The following THAP1 variants were observed in gnomAD, a reference collection of about 807,000 sequenced individuals.
The protein encoded by THAP1 is THAP domain-containing protein 1.
THAP1 carries 6 observed loss-of-function variants against 18.2 expected under a neutral mutation model. That is an observed-to-expected ratio of 0.33 (90% CI 0.18 to 0.65). The LOEUF (loss-of-function observed/expected upper bound fraction) is 0.65. Among genes scored for constraint, THAP1 ranks in the 30% least tolerant of loss-of-function variants. The pLI is 0.74. For synonymous variants in THAP1, 85 were observed against 90.5 expected (o/e 0.94, Z 0.34); for missense variants, 176 against 253.0 (o/e 0.70, Z 2.06).
At position 42,839,257 on chromosome 8, in the gene THAP1, C is replaced by G; in HGVS notation, c.196G>C (p.Glu66Gln). The G allele has an allele frequency of 1.2e-6, 2 of 1,614,106 alleles. No homozygotes were observed. Among genetic ancestry groups the G allele is most frequent in the Non-Finnish European group, 1.7e-6 (2 of 1,180,008 alleles). ...TCTTTCAGTAACTTGTTGTTGCACTCTCTCTTAAAGCAGTCTGGAGTAAAG... is the reference window on the plus strand; with the variant it reads ...TCTTTCAGTAACTTGTTGTTGCACTGTCTCTTAAAGCAGTCTGGAGTAAAG... Reference protein sequence around the residue: ...EHFTPDCFKRECNNKLLKENA... With the variant: ...EHFTPDCFKRQCNNKLLKENA... Residue 66 changes from glutamate (E) to glutamine (Q), a missense_variant, in exon 2 of 3, where the codon GAG (glutamate) becomes CAG (glutamine). Transcript: ENST00000254250.
chr8:42,843,174 G>A lies in THAP1; in HGVS notation c.-80C>T. The A allele has an allele frequency of 6.4e-7, 1 of 1,556,308 alleles. No individual in the cohort carries two copies. The highest frequency in any genetic ancestry group is 8.9e-7 in the Non-Finnish European group (1 of 1,129,716). ...TTCTCAGTGTCGCTGCGCTCGGTTGGATTCCCTCGCTTCTTTTGTAGCTTT... is the reference window on the plus strand; with the variant it reads ...TTCTCAGTGTCGCTGCGCTCGGTTGAATTCCCTCGCTTCTTTTGTAGCTTT... On this transcript the variant is annotated 5_prime_UTR_variant, in exon 1 of 3. Transcript: ENST00000254250.
At position 42,843,171 on chromosome 8, in the gene THAP1, T is replaced by C. The variant is rs1007421647; in HGVS notation, c.-77A>G. On this transcript the variant is annotated 5_prime_UTR_variant, in exon 1 of 3. Transcript: ENST00000254250. ...CTGTTCTCAGTGTCGCTGCGCTCGG[T>C]TGGATTCCCTCGCTTCTTTTGTAGC... 1.9e-6 allele frequency: 3 copies of C among 1,565,640 alleles called. No homozygotes were observed. The highest frequency in any genetic ancestry group is 1.8e-6 in the Non-Finnish European group (2 of 1,138,056).
chr8:42,841,294 CTTTTTTTTT>C (rs775435611), intron 1 of THAP1, among the ~76,000 whole-genome samples: 2 of 95,936 alleles, frequency 2.1e-5, no homozygotes, highest in African/African-American at 8.8e-5. Flanking sequence ...ACAGTTGTAT[CTTTTTTTTT>C]TTTTTTTTTT....
At position 42,837,236 on chromosome 8, in the gene THAP1, CTTTA is replaced by C. The variant is rs1802630094; in HGVS notation, c.*722_*725del. 6.6e-6 allele frequency: 1 copy of C among 151,920 alleles called. No homozygotes were observed. The allele number at this position is 151,920 out of a possible 1,614,324, so 9.4% of individuals were successfully genotyped here. A position where few individuals can be genotyped will look rare whatever the true frequency, so the allele number is the denominator to read the frequency against. ...TTACTTCATTGATGACAATGCCTTA[CTTTA>C]TTTATTGAAAAATGTTTCTTCCACT... On this transcript the variant is annotated 3_prime_UTR_variant, in exon 3 of 3. Coordinates refer to ENST00000254250, the MANE Select transcript of THAP1 (RefSeq NM_018105.3).
chr8:42,837,873 A>G lies in THAP1; in HGVS notation c.*89T>C. ...TGAACTGTTTTTATATAAGTAATCA[A>G]ATGTTATTTTTTTAAATGAAACTCC... is the stretch of plus-strand genomic sequence containing the variant. On this transcript the variant is annotated 3_prime_UTR_variant, in exon 3 of 3. Coordinates refer to ENST00000254250, the MANE Select transcript of THAP1 (RefSeq NM_018105.3). 7.0e-7 allele frequency: 1 copy of G among 1,429,654 alleles called. No individual in the cohort carries two copies. Among genetic ancestry groups the G allele is most frequent in the Non-Finnish European group, 9.5e-7 (1 of 1,054,948 alleles). The allele number at this position is 1,429,654 out of a possible 1,614,324, so 88.6% of individuals were successfully genotyped here.
Position 42,838,412 on chromosome 8 carries a change from G to A in THAP1, c.268-76C>T, listed in dbSNP as rs373979933. The A allele has an allele frequency of 2.9e-5, 46 of 1,575,156 alleles. No homozygotes were observed. In the Admixed American group the frequency reaches 5.5e-4, roughly 19 times the overall value. ...AAAAGAATCTGTGGACTGACCAGGC[G>A]CAGTGGCTCATGCCTATAATCCTAG... On this transcript the variant is annotated intron_variant, in intron 2 of 2. Transcript: ENST00000254250.
Position 42,843,270 on chromosome 8 carries a change from CAGA to C in THAP1, c.-179_-177del, listed in dbSNP as rs1349752722. On this transcript the variant is annotated 5_prime_UTR_variant, in exon 1 of 3. Transcript: ENST00000254250. ...GTGCCCGTTTTGTTGTTTGCATTAG[CAGA>C]AGGACCACAGCCATCGCCCGTCTCC... 6.9e-6 allele frequency: 5 copies of C among 725,370 alleles called. No homozygotes were observed. Among genetic ancestry groups the C allele is most frequent in the Non-Finnish European group, 1.2e-5 (5 of 414,834 alleles). The allele number at this position is 725,370 out of a possible 1,614,324, so 44.9% of individuals were successfully genotyped here.
chr8:42,843,101 G>C lies in THAP1; in HGVS notation c.-7C>G, dbSNP rs1459196580. ...CGGAGCAGGACTGCACCATCCTTCC[G>C]GTCCTCAGGCACTTCACTTCTGCCG... On this transcript the variant is annotated 5_prime_UTR_variant, in exon 1 of 3. Coordinates refer to ENST00000254250, the MANE Select transcript of THAP1 (RefSeq NM_018105.3). The C allele has an allele frequency of 1.2e-6, 2 of 1,613,616 alleles. No individual in the cohort carries two copies. The highest frequency in any genetic ancestry group is 2.2e-5 in the East Asian group (1 of 44,872).
Position 42,843,178 on chromosome 8 carries a change from C to T in THAP1, c.-84G>A. 3.2e-6 allele frequency: 5 copies of T among 1,543,428 alleles called. No homozygotes were observed. The highest frequency in any genetic ancestry group is 4.5e-6 in the Non-Finnish European group (5 of 1,118,354). On this transcript the variant is annotated 5_prime_UTR_variant, in exon 1 of 3. Coordinates refer to ENST00000254250, the MANE Select transcript of THAP1 (RefSeq NM_018105.3). Reference sequence around the variant, plus strand: ...CAGTGTCGCTGCGCTCGGTTGGATTCCCTCGCTTCTTTTGTAGCTTTGGCC... The same window carrying T: ...CAGTGTCGCTGCGCTCGGTTGGATTTCCTCGCTTCTTTTGTAGCTTTGGCC...
intron 1 of THAP1, among the ~76,000 whole-genome samples, chr8:42,842,267 T>C (rs1802732971): frequency 1.3e-5 from 2 of 152,224 alleles, no homozygotes; most frequent in African/African-American, 2.4e-5. Flanking sequence ...TTTCCTATTT[T>C]CAAGAGAATA....
chr8:42,839,859 T>C (rs1225704884), intron 1 of THAP1, among the ~76,000 whole-genome samples: 1 of 152,136 alleles, frequency 6.6e-6, no homozygotes, highest in Non-Finnish European at 1.5e-5. Flanking sequence ...TTCATTAACG[T>C]TTAACTTTTT....
rs571899747 is a variant in THAP1, at chr8:42,842,418, G to C, written c.71+606C>G. On this transcript the variant is annotated intron_variant, in intron 1 of 2. Transcript: ENST00000254250. ...AGATCCGTGTGAGTCATTTTATTAT[G>C]ATCCATGTTGTAACTGTCCATATTA... 2.0e-5 allele frequency: 3 copies of C among 152,214 alleles called. No individual in the cohort carries two copies. In the East Asian group the frequency reaches 5.8e-4, roughly 29 times the overall value. The allele number at this position is 152,214 out of a possible 1,614,324, so 9.4% of individuals were successfully genotyped here.
chr8:42,839,093 C>G, intron 2 of THAP1, 93 bp downstream of exon 2: 1 of 1,381,466 alleles, frequency 7.2e-7, no homozygotes. Flanking sequence ...CACATTTATT[C>G]TCTTAACACT....
Position 42,839,323 on chromosome 8 carries a change from T to G in THAP1, c.130A>C (p.Asn44His). 1 of 1,614,010 alleles carries G rather than the reference T, an allele frequency of 6.2e-7. No individual in the cohort carries two copies. The highest frequency in any genetic ancestry group is 8.5e-7 in the Non-Finnish European group (1 of 1,179,988). Reference sequence around the variant, plus strand: ...CTGCTATACTTGGTGGGTTTAAAGTTTTTTCTTCTGACAGCTGCCTCCCAT... The same window carrying G: ...CTGCTATACTTGGTGGGTTTAAAGTGTTTTCTTCTGACAGCTGCCTCCCAT... ...KEWEAAVRRK[N>H]FKPTKYSSIC... Residue 44 changes from asparagine to histidine, a missense_variant, in exon 2 of 3, where the codon AAC becomes CAC. By Grantham distance (68) the Asn-to-His change is moderately conservative (BLOSUM62 1). Transcript: ENST00000254250.
chr8:42,843,287 T>C lies in THAP1; in HGVS notation c.-193A>G, dbSNP rs1802764505. 3.0e-6 allele frequency: 2 copies of C among 661,166 alleles called. No individual in the cohort carries two copies. The highest frequency in any genetic ancestry group is 5.4e-6 in the Non-Finnish European group (2 of 369,162). The allele number at this position is 661,166 out of a possible 1,614,324, so 41.0% of individuals were successfully genotyped here. The stretch of plus-strand genomic sequence containing the variant: ...TGCATTAGCAGAAGGACCACAGCCA[T>C]CGCCCGTCTCCCATCTCCAAGATGG... On this transcript the variant is annotated 5_prime_UTR_variant, in exon 1 of 3. An upstream start codon of the reference 5' UTR is lost. Coordinates refer to ENST00000254250, the MANE Select transcript of THAP1 (RefSeq NM_018105.3).
Position 42,838,232 on chromosome 8 carries a change from C to G in THAP1, c.372G>C (p.Gln124His), listed in dbSNP as rs201010904. 2.5e-6 allele frequency: 4 copies of G among 1,614,004 alleles called. No homozygotes were observed. The highest frequency in any genetic ancestry group is 3.4e-6 in the Non-Finnish European group (4 of 1,180,030). ...AAIGLLMPPLQTPVNLSVFCD... is the reference protein window; with the variant it reads ...AAIGLLMPPLHTPVNLSVFCD... Reference sequence around the variant, plus strand: ...AGAAAACTGAGAGATTAACAGGGGTCTGAAGAGGCGGCATTAGTAATCCAA... The same window carrying G: ...AGAAAACTGAGAGATTAACAGGGGTGTGAAGAGGCGGCATTAGTAATCCAA... Residue 124 changes from glutamine (Q) to histidine (H), a missense_variant, in exon 3 of 3, where the codon CAG (glutamine) becomes CAC (histidine). Physicochemically the swap from Gln to His is conservative, Grantham distance 24 (BLOSUM62 0). Coordinates refer to ENST00000254250, the MANE Select transcript of THAP1 (RefSeq NM_018105.3).
rs984446861 is a variant in THAP1, at chr8:42,838,231, T to G, written c.373A>C (p.Thr125Pro). Reference sequence around the variant, plus strand: ...CAGAAAACTGAGAGATTAACAGGGGTCTGAAGAGGCGGCATTAGTAATCCA... The same window carrying G: ...CAGAAAACTGAGAGATTAACAGGGGGCTGAAGAGGCGGCATTAGTAATCCA... ...AIGLLMPPLQ[T>P]PVNLSVFCDH... Residue 125 changes from threonine to proline, a missense_variant, in exon 3 of 3, where the codon ACC becomes CCC. Thr to Pro is a conservative substitution (Grantham distance 38, BLOSUM62 -1). Transcript: ENST00000254250. 4 of 1,613,938 alleles carry G rather than the reference T, an allele frequency of 2.5e-6. No homozygotes were observed. Among genetic ancestry groups the G allele is most frequent in the Admixed American group, 3.3e-5 (2 of 59,978 alleles).
At chr8:42,840,615 G>A (rs920919091) in intron 1 of THAP1, among the ~76,000 whole-genome samples, 42 of 152,106 alleles carry the variant, frequency 2.8e-4, no homozygotes, top group Non-Finnish European at 1.3e-4. Flanking sequence ...TTCTTTGTAC[G>A]ACATAGCACT....
At chr8:42,842,920 C>G (rs1470250470) in intron 1 of THAP1, 104 bp downstream of exon 1, 3 of 912,234 alleles carry the variant, frequency 3.3e-6, no homozygotes, top group Non-Finnish European at 4.2e-6. Flanking sequence ...CCAGACCCCA[C>G]CCGCCCCTCG....
Sources: allele counts gnomAD v4.1 joint callset (sites outside exome capture counted in the v4.1 genomes callset), GRCh38; gene constraint gnomAD v4.1.1; transcripts MANE v1.5; gene names NCBI Gene and HGNC (gene_info 2026-07-23, HGNC 2026-07-21).